The following CATSPERB variants were observed in gnomAD, a reference collection of about 807,000 sequenced individuals.
CATSPERB encodes catsper channel auxiliary subunit beta.
In CATSPERB, 93 loss-of-function variants were observed where a neutral mutation model predicts 128.3. The observed-to-expected ratio is 0.72, with a 90% confidence interval of 0.61 to 0.86. The LOEUF (loss-of-function observed/expected upper bound fraction) is 0.86, where lower values mean the gene tolerates loss of function less well. Ranked by LOEUF, CATSPERB falls within the 40% of genes least tolerant of loss-of-function variation. The pLI is 0.00. For synonymous variants in CATSPERB, 381 were observed against 448.8 expected (o/e 0.85, Z 1.91); for missense variants, 1,153 against 1,329.5 (o/e 0.87, Z 2.06).
At chr14:91,729,567 G>GA in intron 1 of CATSPERB, 88 bp from the exon 2 acceptor site, 1 of 616,930 alleles carries the variant, frequency 1.6e-6, no homozygotes, top group Non-Finnish European at 2.8e-6. Flanking sequence ...AAGTAGTAAA[G>GA]AAATAATCTC....
intron 12 of CATSPERB, among the ~76,000 whole-genome samples, 196 bp downstream of exon 12, chr14:91,673,980 T>C (rs993424809): frequency 1.3e-5 from 2 of 152,152 alleles, no homozygotes; most frequent in African/African-American, 4.8e-5. Flanking sequence ...ATTGTTTTTC[T>C]AGAACCATTG....
chr14:91,585,551 CT>C, intron 26 of CATSPERB, among the ~76,000 whole-genome samples: 1 of 151,746 alleles, frequency 6.6e-6, no homozygotes, highest in East Asian at 1.9e-4. Context: ...CCATTTTGTC[CT>C]TTTTAAGTAG....
At chr14:91,695,074 A>C (rs1895539020) in intron 7 of CATSPERB, among the ~76,000 whole-genome samples, 1 of 152,164 alleles carries the variant, frequency 6.6e-6, no homozygotes, top group South Asian at 2.1e-4. Flanking sequence ...AGGAAAACTA[A>C]AGACAAACTT....
At chr14:91,657,967 T>C (rs1262992229) in intron 15 of CATSPERB, among the ~76,000 whole-genome samples, 7 of 152,036 alleles carry the variant, frequency 4.6e-5, no homozygotes, top group African/African-American at 1.7e-4. Flanking sequence ...CTATGAAGAA[T>C]AGTTTGGAGG....
At chr14:91,688,843 A>ATCTGTGAAAT (rs1895418803) in intron 10 of CATSPERB, among the ~76,000 whole-genome samples, 2 of 152,166 alleles carry the variant, frequency 1.3e-5, no homozygotes, top group Admixed American at 1.3e-4. Context: ...ATCACAGAGT[A>ATCTGTGAAAT]GGTGCTCACT....
chr14:91,659,794 G>A, intron 15 of CATSPERB, 43 bp downstream of exon 15: 1 of 1,567,318 alleles, frequency 6.4e-7, no homozygotes. Flanking sequence ...TTCTAATCCT[G>A]GGCCACATGT....
intron 15 of CATSPERB, among the ~76,000 whole-genome samples, chr14:91,639,951 C>T (rs1412449182): frequency 6.7e-6 from 1 of 148,902 alleles, no homozygotes; most frequent in Non-Finnish European, 1.5e-5. Flanking sequence ...TTACTTCTCT[C>T]ACTATCTTTG....
chr14:91,729,525 T>A, intron 1 of CATSPERB, 46 bp from the exon 2 acceptor site: 1 of 1,059,640 alleles, frequency 9.4e-7, no homozygotes, highest in Non-Finnish European at 1.4e-6. Flanking sequence ...TCTGAACATA[T>A]TTTTGAATTC....
At chr14:91,652,501 A>G (rs1894719513) in intron 15 of CATSPERB, among the ~76,000 whole-genome samples, 1 of 129,108 alleles carries the variant, frequency 7.7e-6, no homozygotes, top group African/African-American at 3.0e-5. Flanking sequence ...TCTACTAACA[A>G]TACAAAAAAA....
intron 1 of CATSPERB, among the ~76,000 whole-genome samples, chr14:91,730,857 C>A (rs1896198792): frequency 6.6e-6 from 1 of 152,076 alleles, no homozygotes; most frequent in South Asian, 2.1e-4. Flanking sequence ...TGAATTCATT[C>A]TTATCACATT....
At chr14:91,585,301 C>G (rs1037673292) in intron 26 of CATSPERB, among the ~76,000 whole-genome samples, 44 of 152,286 alleles carry the variant, frequency 2.9e-4, no homozygotes, top group Middle Eastern at 6.8e-3. Flanking sequence ...TTTCCCCATA[C>G]CAGTCTTTTT....
intron 13 of CATSPERB, among the ~76,000 whole-genome samples, 179 bp downstream of exon 13, chr14:91,672,688 C>T (rs10137809): frequency 0.11 from 16,150 of 152,162 alleles, 946 homozygotes; most frequent in Middle Eastern, 0.16. Context: ...AAATGAATGA[C>T]GACCAGGTGA....
intron 5 of CATSPERB, chr14:91,710,728 A>G (rs1188891414): frequency 6.6e-6 from 1 of 152,228 alleles, no homozygotes; most frequent in Non-Finnish European, 1.5e-5. Flanking sequence ...GCATGGCACC[A>G]TAACTACTCC....
At position 91,671,300 on chromosome 14, in the gene CATSPERB, G is replaced by A. The variant is rs531855606; in HGVS notation, c.1129-1328C>T. Among the ~76,000 whole-genome samples the A allele has an allele frequency of 5.2e-3, 789 of 152,218 alleles. 2 individuals are homozygous for A. Among genetic ancestry groups the A allele is most frequent in the Non-Finnish European group, 8.8e-3 (597 of 68,026 alleles). On this transcript the variant is annotated intron_variant, in intron 13 of 26. Transcript: ENST00000256343. ...AAACTTTCATATCTCCTGGCCAGGC[G>A]CTGTGGCTCATGCCTGCAATTCCAG...
chr14:91,612,519 T>C (rs1186737056), intron 20 of CATSPERB, among the ~76,000 whole-genome samples: 1 of 152,202 alleles, frequency 6.6e-6, no homozygotes, highest in Non-Finnish European at 1.5e-5. Context: ...TAGATTTTTA[T>C]CTAGATTTTT....
At chr14:91,613,018 A>C (rs1893865240) in intron 20 of CATSPERB, among the ~76,000 whole-genome samples, 1 of 151,752 alleles carries the variant, frequency 6.6e-6, no homozygotes, top group African/African-American at 2.4e-5. Flanking sequence ...ACTGACTATA[A>C]TTTTTTTTTA....
At chr14:91,677,814 T>C (rs960821102) in intron 11 of CATSPERB, among the ~76,000 whole-genome samples, 1 of 152,158 alleles carries the variant, frequency 6.6e-6, no homozygotes. Context: ...AGCAAAGACA[T>C]GCAACCAACC....
Position 91,659,911 on chromosome 14 carries a change from T to C in CATSPERB, c.1358A>G (p.Lys453Arg). The stretch of plus-strand genomic sequence containing the variant: ...TGATGTATAAAAACTATGAAAAGTC[T>C]TCTTTATGATATCATCATGAAAGTT... ...IANFHDDIIK[K>R]TFHSFYTSAI... The change falls in exon 15 of 27, where the codon AAG becomes AGG. Residue 453 changes from lysine (K) to arginine (R), a missense_variant. Physicochemically the swap from Lys to Arg is conservative, Grantham distance 26. Coordinates refer to ENST00000256343, the MANE Select transcript of CATSPERB (RefSeq NM_024764.4). 6.2e-7 allele frequency: 1 copy of C among 1,604,182 alleles called. No homozygotes were observed. The highest frequency in any genetic ancestry group is 8.5e-7 in the Non-Finnish European group (1 of 1,177,194).
chr14:91,605,797 AGC>A (rs766421520), intron 22 of CATSPERB, among the ~76,000 whole-genome samples: 2 of 152,112 alleles, frequency 1.3e-5, no homozygotes, highest in African/African-American at 2.4e-5. Context: ...TTGACTCAGA[AGC>A]ATTTCCTCTG....
Sources: gnomAD v4.1 joint callset for allele counts (sites outside exome capture counted in the v4.1 genomes callset) on GRCh38, gnomAD v4.1.1 for gene constraint, MANE v1.5 for transcripts, NCBI Gene and HGNC (gene_info 2026-07-23, HGNC 2026-07-21) for gene names.